The following APLP2 variants were observed in gnomAD, a reference collection of about 807,000 sequenced individuals.
APLP2 encodes amyloid beta precursor like protein 2.
A neutral mutation model predicts 89.9 loss-of-function variants in APLP2; 53 were observed. The observed-to-expected ratio is 0.59, with a 90% CI of 0.47 to 0.74. The LOEUF is 0.74. Among genes scored for constraint, APLP2 ranks in the 30% least tolerant of loss-of-function variants. The pLI is 0.00. For synonymous variants in APLP2, 372 were observed against 348.6 expected, an observed-to-expected ratio of 1.07 and a Z score of -0.75; for missense variants, 973 against 975.9, an observed-to-expected ratio of 1.00 and a Z score of 0.04.
chr11:130,088,442 A>G (rs184656969), intron 1 of APLP2, among the ~76,000 whole-genome samples: 43 of 152,138 alleles, frequency 2.8e-4, no homozygotes, highest in Non-Finnish European at 5.3e-4. Flanking sequence ...TTCATGTACA[A>G]TGAATTAGCA....
chr11:130,090,943 G>A (rs1490801555), intron 1 of APLP2, among the ~76,000 whole-genome samples: 1 of 144,002 alleles, frequency 6.9e-6, no homozygotes. Context: ...CGGGCGGGGG[G>A]CCGACACCCC....
Position 130,111,394 on chromosome 11 carries a change from T to C in APLP2, c.403+733T>C, listed in dbSNP as rs79837108. 3.6e-3 allele frequency among the ~76,000 whole-genome samples: 547 copies of C among 151,884 alleles called. 6 individuals carry two copies. Among genetic ancestry groups the C allele is most frequent in the African/African-American group, 0.012 (509 of 41,302 alleles). On this transcript the variant is annotated intron_variant, in intron 3 of 16. Coordinates refer to ENST00000338167, the MANE Select transcript of APLP2 (RefSeq NM_001142276.2). ...AGAAACTTCAAAGGGCAAAAAAAAA[T>C]CAATTTTAGATTAGCCCTGATGGGA...
At chr11:130,138,974 G>T (rs1235366792) in intron 13 of APLP2, 1 of 151,950 alleles carries the variant, frequency 6.6e-6, no homozygotes, top group East Asian at 1.9e-4. Flanking sequence ...TAAAATTCTG[G>T]GAGAGAGAAA....
chr11:130,127,816 A>G lies in APLP2; in HGVS notation c.1272A>G (p.Lys424=). The change falls in exon 9 of 17, where the codon AAA becomes AAG. Residue 424 remains lysine, a synonymous_variant. Coordinates refer to ENST00000338167, the MANE Select transcript of APLP2 (RefSeq NM_001142276.2). The stretch of plus-strand genomic sequence containing the variant: ...AGCTTCAAGCTAAGAACCTCCCCAA[A>G]GCAGAGAGGCAGACTCTGATTCAGG... ...EAELQAKNLP[K]AERQTLIQHF... 1.2e-6 allele frequency: 2 copies of G among 1,614,174 alleles called. No individual in the cohort carries two copies. Among genetic ancestry groups the G allele is most frequent in the Non-Finnish European group, 1.7e-6 (2 of 1,180,014 alleles).
At chr11:130,136,754 C>T (rs1951664301) in intron 13 of APLP2, among the ~76,000 whole-genome samples, 1 of 152,172 alleles carries the variant, frequency 6.6e-6, no homozygotes, top group African/African-American at 2.4e-5. Context: ...ATGCCACCCG[C>T]AAATCTCCGT....
chr11:130,112,522 C>A (rs987343054), intron 3 of APLP2, among the ~76,000 whole-genome samples: 2 of 137,646 alleles, frequency 1.5e-5, no homozygotes, highest in Non-Finnish European at 3.3e-5. Flanking sequence ...CTTAACTTTT[C>A]GGTACTTTTT....
Position 130,140,398 on chromosome 11 carries a change from G to A in APLP2, c.1838G>A (p.Gly613Glu). 2 of 1,605,716 alleles carry A rather than the reference G, an allele frequency of 1.2e-6. No homozygotes were observed. Among genetic ancestry groups the A allele is most frequent in the Non-Finnish European group, 1.7e-6 (2 of 1,176,324 alleles). ...HPFPALPENE[G>E]SGVGEQDGGL... ...TCAGCCATGATCTCTCTCCACACAG[G>A]ATCTGGAGTGGGAGAGCAGGATGGG... Residue 613 changes from glycine to glutamate, a missense_variant and splice_region_variant, in exon 14 of 17, where the codon GGA becomes GAA. By Grantham distance (98) the Gly-to-Glu change is moderately conservative. Coordinates refer to ENST00000338167, the MANE Select transcript of APLP2 (RefSeq NM_001142276.2).
In APLP2 at chr11:130,092,528, C is replaced by T. The variant is rs1334250625; in HGVS notation, c.106-16901C>T. ...CGCGGTTAGGGGCTGGAGACCGGCCCGGCCAACACAGCGAAACCCCGTCTC... is the reference window on the plus strand; with the variant it reads ...CGCGGTTAGGGGCTGGAGACCGGCCTGGCCAACACAGCGAAACCCCGTCTC... On this transcript the variant is annotated intron_variant, in intron 1 of 16. Coordinates refer to ENST00000338167, the MANE Select transcript of APLP2 (RefSeq NM_001142276.2). 5.0e-3 allele frequency among the ~76,000 whole-genome samples: 676 copies of T among 136,338 alleles called. 3 individuals carry two copies. Among genetic ancestry groups the T allele is most frequent in the African/African-American group, 0.018 (613 of 34,964 alleles). The allele number at this position is 136,338 out of a possible 152,430, so 89.4% of individuals were successfully genotyped here.
At chr11:130,104,192 CT>C (rs2135722824) in intron 1 of APLP2, among the ~76,000 whole-genome samples, 1 of 134,540 alleles carries the variant, frequency 7.4e-6, no homozygotes, top group East Asian at 2.1e-4. Context: ...AAGAACAGGA[CT>C]TTTGGTACAC....
At chr11:130,090,983 G>A (rs1944957102) in intron 1 of APLP2, among the ~76,000 whole-genome samples, 2 of 148,816 alleles carry the variant, frequency 1.3e-5, no homozygotes, top group African/African-American at 2.5e-5. Context: ...GCGGCTGGCC[G>A]GGCGGGGGGC....
chr11:130,126,485 G>C (rs946880200), intron 7 of APLP2, among the ~76,000 whole-genome samples: 1 of 152,230 alleles, frequency 6.6e-6, no homozygotes, highest in African/African-American at 2.4e-5. Context: ...ATAAATTGCT[G>C]TATTAGCGTG....
At chr11:130,131,709 G>A (rs985741669) in intron 11 of APLP2, among the ~76,000 whole-genome samples, 19 of 152,274 alleles carry the variant, frequency 1.2e-4, no homozygotes, top group South Asian at 2.1e-4. Flanking sequence ...TTAAATTATC[G>A]TGTTGTATTC....
chr11:130,120,957 T>TA (rs1949741102), intron 4 of APLP2, 139 bp downstream of exon 4: 1 of 667,542 alleles, frequency 1.5e-6, no homozygotes, highest in African/African-American at 1.8e-5. Context: ...TACTTCTGTC[T>TA]TATAAGTTAG....
intron 1 of APLP2, chr11:130,082,720 A>AT: frequency 4.5e-6 from 1 of 220,558 alleles, no homozygotes; most frequent in Non-Finnish European, 9.3e-6. Flanking sequence ...GTGTTGGTGC[A>AT]TTTGGGACAG....
intron 1 of APLP2, chr11:130,108,696 C>T (rs1308965662): frequency 2.0e-5 from 3 of 152,222 alleles, no homozygotes; most frequent in Non-Finnish European, 4.4e-5. Flanking sequence ...CCCAGCCATC[C>T]CATTACTCGG....
intron 3 of APLP2, among the ~76,000 whole-genome samples, chr11:130,115,168 G>C (rs372940427): frequency 6.6e-5 from 10 of 151,926 alleles, no homozygotes; most frequent in African/African-American, 2.4e-4. Context: ...TGGTTTTCCT[G>C]TTTGCACCTG....
At chr11:130,103,628 A>G (rs1947239954) in intron 1 of APLP2, among the ~76,000 whole-genome samples, 1 of 152,168 alleles carries the variant, frequency 6.6e-6, no homozygotes, top group African/African-American at 2.4e-5. Context: ...CAACAACCAT[A>G]ATGAGTAACA....
intron 3 of APLP2, among the ~76,000 whole-genome samples, chr11:130,112,129 C>T (rs984759665): frequency 1.3e-5 from 2 of 152,146 alleles, no homozygotes; most frequent in Non-Finnish European, 2.9e-5. Flanking sequence ...AAACTGTGCG[C>T]CGAGGCACCT....
At chr11:130,113,129 A>G (rs983255623) in intron 3 of APLP2, among the ~76,000 whole-genome samples, 1 of 152,226 alleles carries the variant, frequency 6.6e-6, no homozygotes, top group Non-Finnish European at 1.5e-5. Flanking sequence ...TATGCTGTGA[A>G]CACCTTGCCA....
Sources: gnomAD v4.1 joint callset for allele counts (sites outside exome capture counted in the v4.1 genomes callset) on GRCh38, gnomAD v4.1.1 for gene constraint, MANE v1.5 for transcripts, NCBI Gene and HGNC (gene_info 2026-07-23, HGNC 2026-07-21) for gene names.